POLD1: variants seen among roughly 807,000 people sequenced by gnomAD.
POLD1 encodes the protein DNA polymerase delta catalytic subunit.
POLD1 carries 79 observed loss-of-function variants against 129.7 expected under a neutral mutation model. The ratio of observed to expected loss-of-function variants is 0.61; its 90% CI spans 0.51 to 0.73. The LOEUF (loss-of-function observed/expected upper bound fraction) is 0.73, where lower values mean the gene tolerates loss of function less well. POLD1 is among the 30% of genes least tolerant of loss of function. The probability of loss-of-function intolerance (pLI) is 0.00; values close to 1 mark genes in which losing one functional copy is unlikely to be tolerated. For missense variants in POLD1, 1,338 were observed against 1,595.8 expected, an observed-to-expected ratio of 0.84 and a Z score of 2.75; for synonymous variants, 714 against 683.3, an observed-to-expected ratio of 1.04 and a Z score of -0.70.
chr19:50,415,921 C>A, intron 22 of POLD1, 95 bp downstream of exon 22: 1 of 996,910 alleles, frequency 1.0e-6, no homozygotes, highest in Non-Finnish European at 1.4e-6. Flanking sequence ...TGGGGCCTCC[C>A]GTGCCCTGTG....
At chr19:50,401,635 G>C (rs956897573) in intron 3 of POLD1, 143 bp from the exon 4 acceptor site, 67 of 852,498 alleles carry the variant, frequency 7.9e-5, no homozygotes, top group Admixed American at 1.0e-4. Context: ...TGGGAACCAG[G>C]GGGGAGGCTG....
At chr19:50,401,668 A>T in intron 3 of POLD1, 110 bp from the exon 4 acceptor site, 1 of 1,176,890 alleles carries the variant, frequency 8.5e-7, no homozygotes, top group Non-Finnish European at 1.2e-6. Context: ...GGAACGGTAC[A>T]GGGGCAGGAG....
Position 50,402,341 on chromosome 19 carries a change from G to T in POLD1, c.726G>T (p.Ala242=), listed in dbSNP as rs757184235. 3 of 1,610,832 alleles carry T rather than the reference G, an allele frequency of 1.9e-6. No homozygotes were observed. In the East Asian group the frequency reaches 6.7e-5, roughly 36 times the overall value. ...CAGGCCTGGGCACGCCCAGCTTCGC[G>T]CCCTACGAGGCCAACGTCGACTTTG... ...RVAGLGTPSF[A]PYEANVDFEI... The change falls in exon 6 of 27, where the codon GCG becomes GCT. Residue 242 remains alanine (A), a synonymous_variant. Transcript: ENST00000440232.
intron 14 of POLD1, 164 bp from the exon 15 acceptor site, chr19:50,408,621 G>A (rs978554268): frequency 2.5e-5 from 27 of 1,066,976 alleles, no homozygotes; most frequent in Non-Finnish European, 2.8e-5. Context: ...GAGTTCAAGC[G>A]ATCCTCCTGC....
At position 50,414,924 on chromosome 19, in the gene POLD1, G is replaced by A. The variant is rs1601241246; in HGVS notation, c.2498G>A (p.Arg833His). Residue 833 changes from arginine (R) to histidine (H), a missense_variant, in exon 20 of 27, where the codon CGC becomes CAC. Physicochemically the swap from Arg to His is conservative, Grantham distance 29 (BLOSUM62 0). This residue lies in a region of POLD1 where 720 missense variants were observed against 1,002.6 expected (regional missense o/e 0.72). Coordinates refer to ENST00000440232, the MANE Select transcript of POLD1 (RefSeq NM_002691.4). The stretch of plus-strand genomic sequence containing the variant: ...GACTGCAAGGGCCTGGAGGCCGTGC[G>A]CAGGGACAACTGCCCCCTCGTGGCC... ...RMDCKGLEAV[R>H]RDNCPLVANL... The A allele has an allele frequency of 6.2e-7, 1 of 1,609,808 alleles. No homozygotes were observed. The highest frequency in any genetic ancestry group is 8.5e-7 in the Non-Finnish European group (1 of 1,177,394).
Position 50,409,324 on chromosome 19 carries a change from C to A in POLD1, c.2006+89C>A. 8.1e-7 allele frequency: 1 copy of A among 1,229,622 alleles called. No homozygotes were observed. Among genetic ancestry groups the A allele is most frequent in the Middle Eastern group, 2.1e-4 (1 of 4,696 alleles). 76.2% of individuals were successfully genotyped at this position (1,229,622 alleles called of 1,614,324 possible). ...CCTCACTGGGACACCCCAGGGCTGC[C>A]CAGCCACCCTGCCCTCAGCTGTGCG... On this transcript the variant is annotated intron_variant, in intron 16 of 26. Transcript: ENST00000440232. This position sits in a 1 kb window ranked among gnomAD's most constrained non-coding sequence, Gnocchi z 5.8.
chr19:50,415,019 G>C (rs1410819425), intron 20 of POLD1, 29 bp downstream of exon 20: 3 of 1,493,372 alleles, frequency 2.0e-6, no homozygotes, highest in Non-Finnish European at 2.7e-6. Context: ...CTCAGACTCA[G>C]GGGGCTGGGC....
At chr19:50,403,291 C>G (rs926004929) in intron 9 of POLD1, 72 bp downstream of exon 9, 1 of 1,437,446 alleles carries the variant, frequency 7.0e-7, no homozygotes, top group Admixed American at 2.2e-5. Context: ...GCCATCAGCT[C>G]CTGGGTGCTG....
intron 19 of POLD1, among the ~76,000 whole-genome samples, chr19:50,414,305 T>G (rs887075749): frequency 2.0e-5 from 3 of 152,230 alleles, no homozygotes; most frequent in African/African-American, 7.2e-5. Flanking sequence ...CAGGCTGGAG[T>G]GCAGTGGCGA....
intron 1 of POLD1, among the ~76,000 whole-genome samples, chr19:50,392,174 G>A (rs978753720): frequency 6.6e-6 from 1 of 152,186 alleles, no homozygotes; most frequent in African/African-American, 2.4e-5. Context: ...AGGTTCAAGT[G>A]ATCCTCCCAC....
intron 1 of POLD1, among the ~76,000 whole-genome samples, chr19:50,389,832 C>G (rs535911707): frequency 1.2e-4 from 18 of 151,700 alleles, no homozygotes; most frequent in Admixed American, 3.9e-4. Flanking sequence ...GTGATCCGCC[C>G]GCCTTGGGCT....
chr19:50,411,141 G>A (rs2039074832), intron 17 of POLD1: 1 of 152,092 alleles, frequency 6.6e-6, no homozygotes, highest in Admixed American at 6.6e-5. Context: ...TAGAGATAGG[G>A]TCTCGCCATG....
At chr19:50,401,391 A>ATATATATATATTTTTTT (rs1334231607) in intron 3 of POLD1, among the ~76,000 whole-genome samples, 1 of 65,990 alleles carries the variant, frequency 1.5e-5, no homozygotes, top group African/African-American at 6.9e-5. Flanking sequence ...ATATATATAT[A>ATATATATATATTTTTTT]TTTTTTTTTT....
rs550362970 is a variant in POLD1 at position 50,408,096 on chromosome 19, G to C, written c.1775+681G>C. Among the ~76,000 whole-genome samples the C allele has an allele frequency of 3.3e-5, 5 of 151,244 alleles. No homozygotes were observed. The South Asian group carries it at 1.0e-3, about 32-fold the overall frequency. On this transcript the variant is annotated intron_variant, in intron 14 of 26. Transcript: ENST00000440232. Reference sequence around the variant, plus strand: ...CCCTGTAATCAATCCCAGCACTTTGGGAGGTCAAGGCAGGCGGATCACAAG... The same window carrying C: ...CCCTGTAATCAATCCCAGCACTTTGCGAGGTCAAGGCAGGCGGATCACAAG...
At chr19:50,395,398 A>G (rs887665098) in intron 1 of POLD1, among the ~76,000 whole-genome samples, 1 of 151,996 alleles carries the variant, frequency 6.6e-6, no homozygotes, top group Non-Finnish European at 1.5e-5. Context: ...GATTGAGACC[A>G]CAGTGAAACC....
intron 1 of POLD1, among the ~76,000 whole-genome samples, chr19:50,395,875 A>ATTTTT (rs1910789546): frequency 2.9e-5 from 2 of 69,198 alleles, no homozygotes; most frequent in African/African-American, 1.5e-4. Context: ...GAGGATATAT[A>ATTTTT]CTTTTTTTTT....
chr19:50,407,537 A>C (rs1329024246), intron 14 of POLD1, 122 bp downstream of exon 14: 9 of 436,850 alleles, frequency 2.1e-5, no homozygotes, highest in Non-Finnish European at 2.8e-5. Flanking sequence ...CTGCTCCACA[A>C]AATTTTTTTA....
In POLD1 at chr19:50,417,214, T is replaced by C; in HGVS notation, c.3163T>C (p.Trp1055Arg). ...CCTGGAGGAGCGCTTCTCGCGCCTC[T>C]GGACGCAGTGCCAGCGCTGCCAGGG... is the stretch of plus-strand genomic sequence containing the variant. ...NALEERFSRL[W>R]TQCQRCQGSL... Residue 1055 changes from tryptophan (W) to arginine (R), a missense_variant, in exon 26 of 27, where the codon TGG (tryptophan) becomes CGG (arginine). Around this residue, in one of 3 missense-constraint regions of POLD1, gnomAD observed 286 missense variants for 277.5 expected, o/e 1.03. Transcript: ENST00000440232. 6.2e-7 allele frequency: 1 copy of C among 1,606,712 alleles called. No individual in the cohort carries two copies. Among genetic ancestry groups the C allele is most frequent in the Non-Finnish European group, 8.5e-7 (1 of 1,178,358 alleles).
intron 1 of POLD1, among the ~76,000 whole-genome samples, 166 bp downstream of exon 1, chr19:50,384,556 C>T (rs1236268415): frequency 1.5e-5 from 2 of 137,192 alleles, no homozygotes; most frequent in Non-Finnish European, 3.1e-5. Context: ...GGCGCGGGGA[C>T]GAGCAGGAAA....
Sources: allele counts gnomAD v4.1 joint callset (sites outside exome capture counted in the v4.1 genomes callset), GRCh38; gene constraint gnomAD v4.1.1; regional missense constraint gnomAD v4.1.1; non-coding constraint Gnocchi (gnomAD v3.1); transcripts MANE v1.5; gene names NCBI Gene and HGNC (gene_info 2026-07-23, HGNC 2026-07-21).